Variants in CCDC102B observed in about 807,000 individuals in gnomAD.
The protein encoded by CCDC102B is coiled-coil domain containing 102B, also known as coiled-coil domain-containing protein 102B.
In CCDC102B, 75 loss-of-function variants were observed where a neutral mutation model predicts 57.4. The observed-to-expected ratio is 1.31, with a 90% confidence interval of 1.08 to 1.58. The LOEUF (loss-of-function observed/expected upper bound fraction) is 1.58, where lower values mean the gene tolerates loss of function less well. Among genes scored for constraint, CCDC102B ranks in the 40% most tolerant of loss-of-function variants. CCDC102B has a pLI of 0.00. For synonymous variants in CCDC102B, 206 were observed against 201.9 expected (o/e 1.02, Z -0.17); for missense variants, 636 against 582.6 (o/e 1.09, Z -0.94).
intron 6 of CCDC102B, among the ~76,000 whole-genome samples, chr18:68,990,283 G>A (rs536818121): frequency 6.6e-4 from 100 of 152,312 alleles, no homozygotes; most frequent in African/African-American, 2.3e-3. Flanking sequence ...GCAGGGAGGA[G>A]CCAAATAACA....
chr18:68,735,196 C>T (rs551969519), intron 2 of CCDC102B, among the ~76,000 whole-genome samples: 15 of 149,532 alleles, frequency 1.0e-4, no homozygotes, highest in Non-Finnish European at 1.3e-4. Flanking sequence ...AGACTACAGG[C>T]GTGCGCCACC....
At chr18:69,022,844 T>C (rs1441200677) in intron 7 of CCDC102B, among the ~76,000 whole-genome samples, 1 of 151,986 alleles carries the variant, frequency 6.6e-6, no homozygotes, top group Non-Finnish European at 1.5e-5. Context: ...GCAGGGAAAT[T>C]TTCACCCAGA....
chr18:68,963,803 A>G (rs189675400), intron 6 of CCDC102B, among the ~76,000 whole-genome samples: 3 of 151,712 alleles, frequency 2.0e-5, no homozygotes, highest in African/African-American at 7.2e-5. Context: ...ATATGTGTAT[A>G]TATGTATGTA....
At chr18:68,759,316 A>G (rs1222450827) in intron 2 of CCDC102B, among the ~76,000 whole-genome samples, 1 of 152,138 alleles carries the variant, frequency 6.6e-6, no homozygotes, top group Admixed American at 6.6e-5. Flanking sequence ...AGAAAATTTT[A>G]TAGGAACTTA....
chr18:68,737,112 G>C (rs1334841073), intron 2 of CCDC102B, among the ~76,000 whole-genome samples: 1 of 151,820 alleles, frequency 6.6e-6, no homozygotes, highest in Non-Finnish European at 1.5e-5. Flanking sequence ...AAGGCAAAGT[G>C]GTTCCTGTTT....
At position 69,011,133 on chromosome 18, in the gene CCDC102B, G is replaced by A. The variant is rs764007664; in HGVS notation, c.1434+29G>A. 7 of 1,590,662 alleles carry A rather than the reference G, an allele frequency of 4.4e-6. 1 individual carries two copies. In the South Asian group the frequency reaches 8.0e-5, roughly 18 times the overall value. ...CTACTTTATGAGTGAACACGTGCTG[G>A]ACAGCTTCTAAATAGTATTTTAGAG... On this transcript the variant is annotated intron_variant, in intron 7 of 7. Coordinates refer to ENST00000360242, the MANE Select transcript of CCDC102B (RefSeq NM_024781.3).
intron 6 of CCDC102B, among the ~76,000 whole-genome samples, chr18:69,005,470 A>G (rs2060078): frequency 0.86 from 130,496 of 151,988 alleles, 57,935 homozygotes; most frequent in Non-Finnish European, 0.97. Flanking sequence ...AATAACATAT[A>G]TAATAGTACT....
chr18:68,946,985 C>T (rs1025139130), intron 6 of CCDC102B, among the ~76,000 whole-genome samples: 2 of 151,924 alleles, frequency 1.3e-5, no homozygotes, highest in African/African-American at 2.4e-5. Context: ...ACACAGTATT[C>T]TGTGGGAAAT....
At chr18:69,027,522 A>G (rs988652164) in intron 7 of CCDC102B, among the ~76,000 whole-genome samples, 8 of 152,192 alleles carry the variant, frequency 5.3e-5, no homozygotes, top group Non-Finnish European at 8.8e-5. Flanking sequence ...ATGGATTTAT[A>G]TGCTATGTCT....
chr18:69,020,877 C>T (rs552790362), intron 7 of CCDC102B, among the ~76,000 whole-genome samples: 1 of 152,126 alleles, frequency 6.6e-6, no homozygotes, highest in African/African-American at 2.4e-5. Flanking sequence ...TAGTGTAATA[C>T]ATCTTCTAGA....
intron 7 of CCDC102B, among the ~76,000 whole-genome samples, chr18:69,022,984 TA>T (rs567067081): frequency 0.015 from 2,089 of 141,524 alleles, 18 homozygotes; most frequent in African/African-American, 0.032. Flanking sequence ...CGTGCTTAGT[TA>T]AAAAAAAAAA....
intron 1 of CCDC102B, among the ~76,000 whole-genome samples, chr18:68,814,151 T>C (rs1200812661): frequency 6.6e-6 from 1 of 152,194 alleles, no homozygotes; most frequent in Non-Finnish European, 1.5e-5. Flanking sequence ...ATGTTTTGCT[T>C]TAAGAAAACA....
In CCDC102B at chr18:68,899,628, A is replaced by G. The variant is rs3914186; in HGVS notation, c.1263+2200A>G. Among the ~76,000 whole-genome samples, 1,436 of 152,194 alleles carry G rather than the reference A, an allele frequency of 9.4e-3. 24 individuals carry two copies. The highest frequency in any genetic ancestry group is 0.033 in the African/African-American group (1,354 of 41,546). ...ACTACATGACATTTGCATTTAAATC[A>G]TATTTACCAAAGGTTTGTGGCAGAC... is the stretch of plus-strand genomic sequence containing the variant. On this transcript the variant is annotated intron_variant, in intron 6 of 7. Transcript: ENST00000360242.
intron 6 of CCDC102B, among the ~76,000 whole-genome samples, chr18:68,996,119 G>A (rs529937625): frequency 1.3e-5 from 2 of 152,292 alleles, no homozygotes; most frequent in Non-Finnish European, 2.9e-5. Context: ...GTTGCCAAAG[G>A]AGATTAACAT....
intron 6 of CCDC102B, among the ~76,000 whole-genome samples, chr18:69,001,969 C>A (rs764359919): frequency 1.3e-5 from 2 of 152,042 alleles, no homozygotes; most frequent in African/African-American, 4.8e-5. Flanking sequence ...ATTCTCAGGC[C>A]CAAGACCTAA....
intron 7 of CCDC102B, among the ~76,000 whole-genome samples, chr18:69,022,375 A>AAT (rs1275258359): frequency 1.3e-5 from 2 of 151,576 alleles, no homozygotes; most frequent in Admixed American, 1.3e-4. Flanking sequence ...ACACACACAC[A>AAT]ATATACTTTT....
chr18:69,003,161 A>G lies in CCDC102B; in HGVS notation c.1264-7773A>G, dbSNP rs146945318. ...TATAACTCCGGAACATGATAAAAATAAATAGCAGTTGTCAAATAACAAGAA... is the reference window on the plus strand; with the variant it reads ...TATAACTCCGGAACATGATAAAAATGAATAGCAGTTGTCAAATAACAAGAA... On this transcript the variant is annotated intron_variant, in intron 6 of 7. Transcript: ENST00000360242. Among the ~76,000 whole-genome samples the G allele has an allele frequency of 2.0e-4, 31 of 152,368 alleles. 1 individual carries two copies. In the East Asian group the frequency reaches 4.8e-3, roughly 24 times the overall value.
chr18:68,771,377 T>C (rs2034631950), intron 2 of CCDC102B, among the ~76,000 whole-genome samples: 1 of 152,176 alleles, frequency 6.6e-6, no homozygotes, highest in South Asian at 2.1e-4. Context: ...ACCTGTGGCA[T>C]GTATCACTTC....
chr18:69,013,473 T>A (rs1173735204), intron 7 of CCDC102B, among the ~76,000 whole-genome samples: 1 of 152,232 alleles, frequency 6.6e-6, no homozygotes, highest in Admixed American at 6.5e-5. Flanking sequence ...ACTTCACCAC[T>A]GTGCAATATA....
Sources: gnomAD v4.1 joint callset for allele counts (sites outside exome capture counted in the v4.1 genomes callset) on GRCh38, gnomAD v4.1.1 for gene constraint, MANE v1.5 for transcripts, NCBI Gene and HGNC (gene_info 2026-07-23, HGNC 2026-07-21) for gene names.